DLEC1: variants seen among roughly 807,000 people sequenced by gnomAD.
The protein encoded by DLEC1 is deleted in lung and esophageal cancer protein 1.
DLEC1 carries 146 observed loss-of-function variants against 198.1 expected under a neutral mutation model. The observed-to-expected ratio is 0.74, with a 90% confidence interval of 0.64 to 0.85. DLEC1 has a LOEUF of 0.85. DLEC1 is among the 40% of genes least tolerant of loss of function. The pLI is 0.00. For missense variants in DLEC1, 2,233 were observed against 2,220.0 expected (o/e 1.01, Z -0.12); for synonymous variants, 897 against 866.8 (o/e 1.03, Z -0.61).
chr3:38,075,034 A>C (rs543382475), intron 6 of DLEC1, among the ~76,000 whole-genome samples: 28 of 152,260 alleles, frequency 1.8e-4, no homozygotes, highest in Admixed American at 9.8e-4. Context: ...TAGAAGGATT[A>C]TAGGATGGAA....
chr3:38,092,813 A>T lies in DLEC1; in HGVS notation c.1689A>T (p.Leu563=). The T allele has an allele frequency of 6.2e-7, 1 of 1,614,184 alleles. No individual in the cohort carries two copies. Among genetic ancestry groups the T allele is most frequent in the Non-Finnish European group, 8.5e-7 (1 of 1,180,022 alleles). ...AGGTCTTGTTTTCCCCAAAGAGCCT[A>T]GGAAAGGCAGAGCAGACCTTCATCA... is the stretch of plus-strand genomic sequence containing the variant. The part of the protein sequence containing the change: ...LVEVLFSPKS[L]GKAEQTFIIM... The change falls in exon 11 of 37, where the codon CTA becomes CTT. Residue 563 remains leucine (L), a synonymous_variant. Transcript: ENST00000308059.
chr3:38,039,395 A>G lies in DLEC1; in HGVS notation c.170A>G (p.Tyr57Cys). ...SSLAYSEAFH[Y>C]SFAARPRRLT... ...CTCGCCTACTCTGAGGCCTTCCACTACAGCTTCGCAGCCCGGCCCCGCCGC... is the reference window on the plus strand; with the variant it reads ...CTCGCCTACTCTGAGGCCTTCCACTGCAGCTTCGCAGCCCGGCCCCGCCGC... Residue 57 changes from tyrosine (Y) to cysteine (C), a missense_variant, in exon 1 of 37, where the codon TAC becomes TGC. Transcript: ENST00000308059. 1 of 1,614,008 alleles carries G rather than the reference A, an allele frequency of 6.2e-7. No homozygotes were observed. Among genetic ancestry groups the G allele is most frequent in the Non-Finnish European group, 8.5e-7 (1 of 1,179,922 alleles).
Position 38,111,675 on chromosome 3 carries a change from A to C in DLEC1, c.3444-2A>C, listed in dbSNP as rs1699885496. On this transcript the variant is annotated splice_acceptor_variant, in intron 23 of 36. Coordinates refer to ENST00000308059, the MANE Select transcript of DLEC1 (RefSeq NM_007335.4). LOFTEE classifies it high-confidence loss of function. ...ACTATTTCTGTGTCTCCACTTGTAA[A>C]GTCCCAACATGCCTCCTGCCCTGCT... is the stretch of plus-strand genomic sequence containing the variant. 19 of 1,612,914 alleles carry C rather than the reference A, an allele frequency of 1.2e-5. No individual in the cohort carries two copies. The highest frequency in any genetic ancestry group is 1.6e-5 in the Non-Finnish European group (19 of 1,179,498).
At chr3:38,062,119 C>T (rs1382996856) in intron 3 of DLEC1, 50 bp from the exon 4 acceptor site, 2 of 1,599,086 alleles carry the variant, frequency 1.3e-6, no homozygotes, top group South Asian at 1.1e-5. Flanking sequence ...TAGGAATGCC[C>T]ACCTCCTCAC....
intron 1 of DLEC1, among the ~76,000 whole-genome samples, chr3:38,041,253 T>C (rs957907626): frequency 2.0e-5 from 3 of 151,916 alleles, no homozygotes; most frequent in South Asian, 4.2e-4. Flanking sequence ...CTGCCCACCT[T>C]GGCCTCCCAA....
At chr3:38,075,384 TG>T (rs1054590597) in intron 6 of DLEC1, among the ~76,000 whole-genome samples, 1 of 152,112 alleles carries the variant, frequency 6.6e-6, no homozygotes, top group Non-Finnish European at 1.5e-5. Context: ...AAGTTTGTAT[TG>T]GGGCCAAGCA....
Position 38,088,344 on chromosome 3 carries a change from C to G in DLEC1, c.1621C>G (p.Pro541Ala). The change falls in exon 10 of 37, where the codon CCT becomes GCT. Residue 541 changes from proline (P) to alanine (A), a missense_variant. By Grantham distance (27) the Pro-to-Ala change is conservative. Transcript: ENST00000308059. ...FVEQPPFGIL[P>A]SVFELAPGHA... Reference sequence around the variant, plus strand: ...TGAACAACCTCCTTTTGGAATCCTGCCTTCGGTGTTTGAGCTGGCCCCGGG... The same window carrying G: ...TGAACAACCTCCTTTTGGAATCCTGGCTTCGGTGTTTGAGCTGGCCCCGGG... 6.2e-7 allele frequency: 1 copy of G among 1,614,050 alleles called. No homozygotes were observed. Among genetic ancestry groups the G allele is most frequent in the East Asian group, 2.2e-5 (1 of 44,882 alleles).
intron 2 of DLEC1, among the ~76,000 whole-genome samples, chr3:38,059,145 G>T (rs920848226): frequency 6.6e-6 from 1 of 152,130 alleles, no homozygotes; most frequent in Non-Finnish European, 1.5e-5. Context: ...GCTGGGCTTG[G>T]CTGGCTGGAC....
intron 1 of DLEC1, among the ~76,000 whole-genome samples, chr3:38,044,237 C>G (rs1259270522): frequency 1.3e-5 from 2 of 151,800 alleles, no homozygotes; most frequent in African/African-American, 4.8e-5. Flanking sequence ...CAAAGCAAGA[C>G]TCCAGTTCTA....
rs1367399030 is a variant in DLEC1, at chr3:38,123,578, T to G, written c.*1166T>G. 1 of 165,270 alleles carries G rather than the reference T, an allele frequency of 6.1e-6. No individual in the cohort carries two copies. Among genetic ancestry groups the G allele is most frequent in the Admixed American group, 6.2e-5 (1 of 16,246 alleles). The allele number at this position is 165,270 out of a possible 1,614,324, so 10.2% of individuals were successfully genotyped here. A position where few individuals can be genotyped will look rare whatever the true frequency, so the allele number is the denominator to read the frequency against. On this transcript the variant is annotated 3_prime_UTR_variant, in exon 37 of 37. Coordinates refer to ENST00000308059, the MANE Select transcript of DLEC1 (RefSeq NM_007335.4). Reference sequence around the variant, plus strand: ...GGAAGCCTGGCCTGGTGGCATCTACTTGTAGTCCCAGCTATTCAGCAGGCT... The same window carrying G: ...GGAAGCCTGGCCTGGTGGCATCTACGTGTAGTCCCAGCTATTCAGCAGGCT...
In DLEC1 at chr3:38,096,017, G is replaced by T. The variant is rs527968453; in HGVS notation, c.2171+71G>T. 1.4e-3 allele frequency: 2,196 copies of T among 1,585,162 alleles called. 5 individuals carry two copies. The highest frequency in any genetic ancestry group is 1.8e-3 in the Non-Finnish European group (2,063 of 1,156,138). ...CCCCCACCTTGGGGGTTCTCCTGGG[G>T]AAGGTATCAGGTGAGGGGGAGTGGG... On this transcript the variant is annotated intron_variant, in intron 14 of 36. Transcript: ENST00000308059.
intron 13 of DLEC1, chr3:38,095,278 A>G (rs1371308096): frequency 3.4e-6 from 2 of 592,278 alleles, no homozygotes; most frequent in East Asian, 5.7e-5. Flanking sequence ...TCCCAGACTC[A>G]CCCCATCTGC....
chr3:38,095,385 C>T, intron 13 of DLEC1: 1 of 388,212 alleles, frequency 2.6e-6, no homozygotes, highest in Non-Finnish European at 4.8e-6. Context: ...ACAGCATCCC[C>T]TAGAGAGAGT....
intron 31 of DLEC1, 47 bp downstream of exon 31, chr3:38,117,349 A>G: frequency 6.2e-7 from 1 of 1,608,368 alleles, no homozygotes; most frequent in Non-Finnish European, 8.5e-7. Flanking sequence ...CATGGGGTGC[A>G]CCCTCACCAG....
intron 7 of DLEC1, among the ~76,000 whole-genome samples, chr3:38,084,503 GGT>G (rs1559430555): frequency 1.2e-4 from 1 of 8,070 alleles, no homozygotes; most frequent in African/African-American, 3.3e-4. Flanking sequence ...TAGTAGTAGT[GGT>G]AGTAGTAGTA....
At chr3:38,052,057 C>T in intron 2 of DLEC1, 1 of 249,296 alleles carries the variant, frequency 4.0e-6, no homozygotes, top group South Asian at 5.7e-5. Flanking sequence ...CATACCAGTG[C>T]AATGTGCTTG....
intron 18 of DLEC1, 121 bp downstream of exon 18, chr3:38,098,023 C>T (rs1699124310): frequency 7.6e-7 from 1 of 1,321,620 alleles, no homozygotes; most frequent in African/African-American, 1.5e-5. Flanking sequence ...GAAAAGCCTG[C>T]CTGGTGACTT....
intron 6 of DLEC1, among the ~76,000 whole-genome samples, chr3:38,080,722 G>T (rs975057595): frequency 6.6e-6 from 1 of 151,948 alleles, no homozygotes; most frequent in African/African-American, 2.4e-5. Context: ...GGAATGGAGG[G>T]TGGAAGGTTG....
At chr3:38,068,497 C>T (rs1292007446) in intron 6 of DLEC1, among the ~76,000 whole-genome samples, 3 of 152,232 alleles carry the variant, frequency 2.0e-5, no homozygotes, top group South Asian at 4.1e-4. Flanking sequence ...TCCTAAAGTG[C>T]TAGGATTACA....
Sources: gnomAD v4.1 joint callset for allele counts (sites outside exome capture counted in the v4.1 genomes callset) on GRCh38, gnomAD v4.1.1 for gene constraint, MANE v1.5 for transcripts, NCBI Gene and HGNC (gene_info 2026-07-23, HGNC 2026-07-21) for gene names.